ZFC3H1: variants seen among roughly 807,000 people sequenced by gnomAD.
ZFC3H1 encodes zinc finger C3H1 domain-containing protein.
A neutral mutation model predicts 243.7 loss-of-function variants in ZFC3H1; 71 were observed. The observed-to-expected ratio is 0.29, with a 90% CI of 0.24 to 0.36. The LOEUF is 0.36. Ranked by LOEUF, ZFC3H1 falls within the 10% of genes least tolerant of loss-of-function variation. The pLI is 1.00. For synonymous variants in ZFC3H1, 838 were observed against 813.0 expected, an observed-to-expected ratio of 1.03 and a Z score of -0.52; for missense variants, 1,966 against 2,317.1, an observed-to-expected ratio of 0.85 and a Z score of 3.11.
chr12:71,617,270 C>G (rs1405241129), intron 27 of ZFC3H1, among the ~76,000 whole-genome samples: 1 of 152,124 alleles, frequency 6.6e-6, no homozygotes, highest in South Asian at 2.1e-4. Flanking sequence ...TCTCATCTAT[C>G]GTCATTCTCC....
In ZFC3H1 at chr12:71,619,351, G is replaced by A. The variant is rs746432075; in HGVS notation, c.5108C>T (p.Pro1703Leu). 2.0e-5 allele frequency: 32 copies of A among 1,613,222 alleles called. No individual in the cohort carries two copies. The Admixed American group carries it at 4.0e-4, about 20-fold the overall frequency. The part of the protein sequence containing the change: ...LRKFIASFFK[P>L]GFEKYNNLDL... ...CAAGTTATTATACTTCTCAAACCCC[G>A]GTTTAAAGAAGGATGCAATAAATTT... The change falls in exon 27 of 35, where the codon CCG becomes CTG. Residue 1703 changes from proline (P) to leucine (L), a missense_variant. By Grantham distance (98) the Pro-to-Leu change is moderately conservative. This residue lies in a region of ZFC3H1 where 1,383 missense variants were observed against 1,723.7 expected (regional missense o/e 0.80). Transcript: ENST00000378743.
intron 24 of ZFC3H1, among the ~76,000 whole-genome samples, chr12:71,620,878 C>A (rs75044268): frequency 6.6e-6 from 1 of 152,196 alleles, no homozygotes; most frequent in African/African-American, 2.4e-5. Context: ...CCCAATGGTA[C>A]CACAGCTTCC....
chr12:71,629,071 TAAC>T, intron 19 of ZFC3H1, 34 bp from the exon 20 acceptor site: 1 of 1,538,852 alleles, frequency 6.5e-7, no homozygotes, highest in Non-Finnish European at 8.7e-7. Flanking sequence ...TTAATTGATA[TAAC>T]TAGTTTTTTT....
In ZFC3H1 at chr12:71,636,834, T is replaced by A. The variant is rs755184142; in HGVS notation, c.1935+16A>T. 4 of 1,612,860 alleles carry A rather than the reference T, an allele frequency of 2.5e-6. No homozygotes were observed. Among genetic ancestry groups the A allele is most frequent in the Non-Finnish European group, 3.4e-6 (4 of 1,179,296 alleles). On this transcript the variant is annotated intron_variant, in intron 8 of 34. Transcript: ENST00000378743. ...AGCTCAAGAGCACCACCTAGAGGTT[T>A]AGGTACCTAAATTACCTCTGGCTTA... is the stretch of plus-strand genomic sequence containing the variant.
At chr12:71,642,301 T>A (rs1201841347) in intron 6 of ZFC3H1, 135 bp downstream of exon 6, 2 of 949,652 alleles carry the variant, frequency 2.1e-6, no homozygotes, top group East Asian at 5.5e-5. Context: ...CAACAACAAA[T>A]AATGTCTATC....
At chr12:71,644,017 T>C in intron 5 of ZFC3H1, 78 bp downstream of exon 5, 3 of 1,264,846 alleles carry the variant, frequency 2.4e-6, no homozygotes, top group South Asian at 2.9e-5. Context: ...TAAACTTCCT[T>C]ATTTGACAGA....
At position 71,647,774 on chromosome 12, in the gene ZFC3H1, C is replaced by T. The variant is rs201784549; in HGVS notation, c.1055G>A (p.Ser352Asn). Residue 352 changes from serine to asparagine, a missense_variant, in exon 3 of 35, where the codon AGT becomes AAT. Around this residue, in one of 4 missense-constraint regions of ZFC3H1, gnomAD observed 484 missense variants for 449.7 expected, o/e 1.08. Coordinates refer to ENST00000378743, the MANE Select transcript of ZFC3H1 (RefSeq NM_144982.5). ...CTTTTCAGACAGAATATCTGAGGTA[C>T]TAATTCTTCTTGTTAAATTTTGTTC... ...DKEQNLTRRI[S>N]TSDILSEKKL... The T allele has an allele frequency of 6.8e-7, 1 of 1,478,498 alleles. No homozygotes were observed. Among genetic ancestry groups the T allele is most frequent in the Non-Finnish European group, 9.2e-7 (1 of 1,086,898 alleles). 91.6% of individuals were successfully genotyped at this position (1,478,498 alleles called of 1,614,324 possible).
rs779925165 is a variant in ZFC3H1 at position 71,663,241 on chromosome 12, G to C, written c.370C>G (p.Leu124Val). The C allele has an allele frequency of 1.9e-6, 3 of 1,613,928 alleles. No homozygotes were observed. Among genetic ancestry groups the C allele is most frequent in the South Asian group, 2.2e-5 (2 of 91,088 alleles). ...GACGGCCGGGGACTGCTTTCGGACA[G>C]TGAGCTCGAAGGCATCCGTACAGAA... ...PPSVRMPSSS[L>V]SESSPRPSFW... Residue 124 changes from leucine (L) to valine (V), a missense_variant, in exon 1 of 35, where the codon CTG becomes GTG. By Grantham distance (32) the Leu-to-Val change is conservative (BLOSUM62 1). Coordinates refer to ENST00000378743, the MANE Select transcript of ZFC3H1 (RefSeq NM_144982.5).
At position 71,622,923 on chromosome 12, in the gene ZFC3H1, G is replaced by T. The variant is rs149746756; in HGVS notation, c.4744+437C>A. ...ATATCTTGTAATGTGTTCCACAATAGTCGTATCATTTAATATAGAGAAGCA... is the reference window on the plus strand; with the variant it reads ...ATATCTTGTAATGTGTTCCACAATATTCGTATCATTTAATATAGAGAAGCA... On this transcript the variant is annotated intron_variant, in intron 24 of 34. Coordinates refer to ENST00000378743, the MANE Select transcript of ZFC3H1 (RefSeq NM_144982.5). Among the ~76,000 whole-genome samples the T allele has an allele frequency of 1.6e-3, 250 of 151,858 alleles. 1 individual carries two copies. Among genetic ancestry groups the T allele is most frequent in the Non-Finnish European group, 2.9e-3 (194 of 67,972 alleles).
intron 21 of ZFC3H1, among the ~76,000 whole-genome samples, chr12:71,627,158 A>G (rs1880191356): frequency 6.6e-6 from 1 of 152,110 alleles, no homozygotes; most frequent in Non-Finnish European, 1.5e-5. Context: ...TATTGTAACT[A>G]TAAAGTTATA....
chr12:71,646,736 G>C (rs1458604957), intron 3 of ZFC3H1, among the ~76,000 whole-genome samples: 1 of 152,128 alleles, frequency 6.6e-6, no homozygotes, highest in East Asian at 1.9e-4. Flanking sequence ...ACAGGCATAA[G>C]CCACCACGCC....
chr12:71,654,884 G>C (rs910065258), intron 2 of ZFC3H1, among the ~76,000 whole-genome samples: 2 of 152,144 alleles, frequency 1.3e-5, no homozygotes, highest in Non-Finnish European at 2.9e-5. Flanking sequence ...AGAGAAAGAT[G>C]ATGTGGCTAT....
chr12:71,654,562 G>A (rs756714251), intron 2 of ZFC3H1, among the ~76,000 whole-genome samples: 3 of 151,998 alleles, frequency 2.0e-5, no homozygotes, highest in Non-Finnish European at 4.4e-5. Flanking sequence ...TTGTATTTCG[G>A]GGAAAGAGTA....
In ZFC3H1 at chr12:71,610,548, T is replaced by C. The variant is rs762389932; in HGVS notation, c.5850A>G (p.Ala1950=). 1.7e-5 allele frequency: 27 copies of C among 1,613,352 alleles called. No homozygotes were observed. Among genetic ancestry groups the C allele is most frequent in the East Asian group, 4.5e-5 (2 of 44,884 alleles). Residue 1950 remains alanine, a synonymous_variant, in exon 35 of 35, where the codon GCA becomes GCG. Transcript: ENST00000378743. ...GGTTATCAGTTTTACCTCCTTCTGA[T>C]GCTTCAAACAAGAGTTGCTGTAAAA... ...SLWKDQLLFE[A]SEGGKTDNLR...
chr12:71,611,673 AAAAAT>A (rs1365603453), intron 32 of ZFC3H1, 108 bp downstream of exon 32: 26 of 178,282 alleles, frequency 1.5e-4, no homozygotes, highest in African/African-American at 3.6e-4. Flanking sequence ...AAAAAAAAAA[AAAAAT>A]ATATATATAT....
rs1881081449 is a variant in ZFC3H1 at position 71,658,476 on chromosome 12, A to G, written c.599-1175T>C. On this transcript the variant is annotated intron_variant, in intron 1 of 34. Coordinates refer to ENST00000378743, the MANE Select transcript of ZFC3H1 (RefSeq NM_144982.5). ...GCTAATTTTTGTATTTTTAGTAGAG[A>G]TGGAGTTTCACCATGTTGACAAGGC... 2.0e-5 allele frequency among the ~76,000 whole-genome samples: 3 copies of G among 151,736 alleles called. 1 individual carries two copies. The highest frequency in any genetic ancestry group is 4.2e-4 in the South Asian group (2 of 4,802).
In ZFC3H1 at chr12:71,634,060, T is replaced by C. The variant is rs1317832857; in HGVS notation, c.2510+95A>G. On this transcript the variant is annotated intron_variant, in intron 12 of 34. Transcript: ENST00000378743. ...TCTACAAAGTTTAAGTGAGAAAATG[T>C]ATAATCTTATAGTACGCTTATTAAT... is the stretch of plus-strand genomic sequence containing the variant. The C allele has an allele frequency of 1.7e-5, 22 of 1,266,112 alleles. No homozygotes were observed. In the South Asian group the frequency reaches 3.3e-4, roughly 19 times the overall value. 78.4% of individuals were successfully genotyped at this position (1,266,112 alleles called of 1,614,324 possible).
intron 26 of ZFC3H1, 81 bp downstream of exon 26, chr12:71,619,845 C>T: frequency 7.6e-7 from 1 of 1,324,200 alleles, no homozygotes; most frequent in Non-Finnish European, 1.0e-6. Context: ...GTAAAAGGAC[C>T]AGGAAACACT....
rs1232727911 is a variant in ZFC3H1, at chr12:71,619,934, T to C, written c.5041A>G (p.Ile1681Val). ...EVFYHMCKFF[I>V]LQNRGDNLLP... ...TTATGCATCATTTTTACCTGTAAGA[T>C]GAAGAATTTGCACATATGATAAAAA... Residue 1681 changes from isoleucine (I) to valine (V), a missense_variant, in exon 26 of 35, where the codon ATC (isoleucine) becomes GTC (valine). Physicochemically the swap from Ile to Val is conservative, Grantham distance 29. Transcript: ENST00000378743. 4 of 1,580,544 alleles carry C rather than the reference T, an allele frequency of 2.5e-6. No individual in the cohort carries two copies. The highest frequency in any genetic ancestry group is 3.4e-6 in the Non-Finnish European group (4 of 1,162,634).
Sources: gnomAD v4.1 joint callset for allele counts (sites outside exome capture counted in the v4.1 genomes callset) on GRCh38, gnomAD v4.1.1 for gene constraint, gnomAD v4.1.1 regional missense constraint, MANE v1.5 for transcripts, NCBI Gene and HGNC (gene_info 2026-07-23, HGNC 2026-07-21) for gene names.